The following AGBL4 variants were observed in gnomAD, a reference collection of about 807,000 sequenced individuals.
AGBL4 encodes the protein cytosolic carboxypeptidase 6.
Under a neutral mutation model 66.4 loss-of-function variants are expected in AGBL4, and 58 were observed. The ratio of observed to expected loss-of-function variants is 0.87; its 90% CI spans 0.71 to 1.09. The LOEUF (loss-of-function observed/expected upper bound fraction) is 1.09. Among genes scored for constraint, AGBL4 ranks in the 50% least tolerant of loss-of-function variants. The pLI is 0.00. For synonymous variants in AGBL4, 234 were observed against 222.9 expected, an observed-to-expected ratio of 1.05 and a Z score of -0.44; for missense variants, 579 against 631.0, an observed-to-expected ratio of 0.92 and a Z score of 0.88.
rs143216273 is a variant in AGBL4 at position 48,560,974 on chromosome 1, C to T, written c.1268-21236G>A. ...GACATCAAGCTTCTTGTGATTTGCC[C>T]CTGTCTAGTTTCTCCTCCATAGTGA... On this transcript the variant is annotated intron_variant, in intron 11 of 13. Transcript: ENST00000371839. Among the ~76,000 whole-genome samples the T allele has an allele frequency of 1.3e-4, 20 of 152,302 alleles. No homozygotes were observed. The East Asian group carries it at 3.5e-3, about 27-fold the overall frequency.
Position 48,736,780 on chromosome 1 carries a change from G to T in AGBL4, c.635-73539C>A, listed in dbSNP as rs1649123890. On this transcript the variant is annotated intron_variant, in intron 6 of 13. Transcript: ENST00000371839. The surrounding 1 kb of genome is among the most constrained non-coding windows in gnomAD (Gnocchi z 4.0). The stretch of plus-strand genomic sequence containing the variant: ...CTGAACATCATTCAACTAGTAAGTG[G>T]CAGAGTTGATATTCTACACTATACT... Among the ~76,000 whole-genome samples the T allele has an allele frequency of 6.6e-6, 1 of 152,152 alleles. No homozygotes were observed.
At chr1:48,697,564 A>AT (rs1646731683) in intron 6 of AGBL4, among the ~76,000 whole-genome samples, 1 of 152,198 alleles carries the variant, frequency 6.6e-6, no homozygotes, top group African/African-American at 2.4e-5. Flanking sequence ...TGGTCCAGTG[A>AT]TTTTTCCAGT....
At chr1:48,934,355 C>CTTGT (rs1655280645) in intron 5 of AGBL4, among the ~76,000 whole-genome samples, 1 of 152,116 alleles carries the variant, frequency 6.6e-6, no homozygotes, top group Non-Finnish European at 1.5e-5. Flanking sequence ...AGGGTGACCA[C>CTTGT]ATGTCTCAGT....
intron 1 of AGBL4, among the ~76,000 whole-genome samples, chr1:49,985,990 T>C (rs951639556): frequency 6.6e-6 from 1 of 152,152 alleles, no homozygotes; most frequent in Non-Finnish European, 1.5e-5. Context: ...AATTATATCC[T>C]ACTACTCTTC....
chr1:49,885,667 G>A (rs540462995), intron 1 of AGBL4, among the ~76,000 whole-genome samples: 68 of 151,958 alleles, frequency 4.5e-4, no homozygotes, highest in Non-Finnish European at 9.0e-4. Context: ...CCTGTCTTGT[G>A]CCCAGAACTA....
intron 3 of AGBL4, among the ~76,000 whole-genome samples, chr1:49,455,795 C>T (rs1184475147): frequency 6.6e-6 from 1 of 151,722 alleles, no homozygotes; most frequent in Non-Finnish European, 1.5e-5. Context: ...CTTCCCTTTG[C>T]TCATTGTGTT....
rs544518016 is a variant in AGBL4, at chr1:49,915,181, T to C, written c.35-63663A>G. 6.6e-5 allele frequency among the ~76,000 whole-genome samples: 10 copies of C among 152,262 alleles called. No individual in the cohort carries two copies. The East Asian group carries it at 1.9e-3, about 29-fold the overall frequency. On this transcript the variant is annotated intron_variant, in intron 1 of 13. Transcript: ENST00000371839. Reference sequence around the variant, plus strand: ...AGCAACGCAGAAGACAGGTGATTTCTGCATTTCCAACGGAGGTACTGGGTT... The same window carrying C: ...AGCAACGCAGAAGACAGGTGATTTCCGCATTTCCAACGGAGGTACTGGGTT...
intron 6 of AGBL4, among the ~76,000 whole-genome samples, chr1:48,778,726 A>C (rs925263120): frequency 6.6e-6 from 1 of 152,212 alleles, no homozygotes; most frequent in Non-Finnish European, 1.5e-5. Flanking sequence ...AACATCAAAC[A>C]TTATAAAATC....
chr1:49,467,388 G>C (rs1646653152), intron 3 of AGBL4, among the ~76,000 whole-genome samples: 2 of 151,840 alleles, frequency 1.3e-5, no homozygotes, highest in Non-Finnish European at 2.9e-5. Context: ...AGATAGAAGA[G>C]GTTCAATATT....
At chr1:49,596,241 C>T (rs947372925) in intron 3 of AGBL4, among the ~76,000 whole-genome samples, 1 of 152,188 alleles carries the variant, frequency 6.6e-6, no homozygotes, top group Non-Finnish European at 1.5e-5. Flanking sequence ...AATCTCGGCT[C>T]ACTGCAACCT....
At chr1:49,448,301 C>T (rs146608339) in intron 3 of AGBL4, among the ~76,000 whole-genome samples, 2 of 152,274 alleles carry the variant, frequency 1.3e-5, no homozygotes, top group African/African-American at 2.4e-5. Context: ...AACTCTCTCT[C>T]TCCCCACTTG....
At chr1:49,995,372 C>A (rs76105790) in intron 1 of AGBL4, 5,319 of 436,914 alleles carry the variant, frequency 0.012, 211 homozygotes, top group African/African-American at 0.099. Flanking sequence ...CCTGTCACTG[C>A]GGCCTTTCCC....
At chr1:48,970,106 C>T (rs1170895424) in intron 5 of AGBL4, among the ~76,000 whole-genome samples, 2 of 152,132 alleles carry the variant, frequency 1.3e-5, no homozygotes, top group Non-Finnish European at 2.9e-5. Context: ...GACTCCATAT[C>T]CTGTTCACTT....
At chr1:49,875,660 G>C (rs1435960125) in intron 1 of AGBL4, among the ~76,000 whole-genome samples, 1 of 147,280 alleles carries the variant, frequency 6.8e-6, no homozygotes, top group Non-Finnish European at 1.5e-5. Context: ...ATAGTCATTT[G>C]GGTATATACC....
At chr1:48,947,458 G>A (rs1656611846) in intron 5 of AGBL4, among the ~76,000 whole-genome samples, 1 of 152,062 alleles carries the variant, frequency 6.6e-6, no homozygotes, top group African/African-American at 2.4e-5. Context: ...CTTTCTCTTT[G>A]GTTACACTTT....
chr1:49,081,268 T>G (rs1347481664), intron 4 of AGBL4, among the ~76,000 whole-genome samples: 1 of 152,122 alleles, frequency 6.6e-6, no homozygotes, highest in Non-Finnish European at 1.5e-5. Context: ...AGAAAGAGCA[T>G]CCCATATAAA....
At chr1:49,122,355 A>AT (rs918055686) in intron 4 of AGBL4, among the ~76,000 whole-genome samples, 13 of 151,372 alleles carry the variant, frequency 8.6e-5, no homozygotes, top group African/African-American at 2.7e-4. Context: ...CAGACCCCAC[A>AT]TTTTTTTTTC....
chr1:48,911,126 A>G (rs1453821010), intron 5 of AGBL4, among the ~76,000 whole-genome samples: 1 of 152,214 alleles, frequency 6.6e-6, no homozygotes, highest in African/African-American at 2.4e-5. Context: ...TACTTCTGAA[A>G]ATTCTATTCT....
chr1:49,715,652 T>TA (rs2124672651), intron 2 of AGBL4, among the ~76,000 whole-genome samples: 1 of 152,324 alleles, frequency 6.6e-6, no homozygotes, highest in East Asian at 1.9e-4. Flanking sequence ...ATCACCATTC[T>TA]AACTGGCATG....
Sources: gnomAD v4.1 joint callset for allele counts (sites outside exome capture counted in the v4.1 genomes callset) on GRCh38, gnomAD v4.1.1 for gene constraint, Gnocchi (gnomAD v3.1) non-coding constraint, MANE v1.5 for transcripts, NCBI Gene and HGNC (gene_info 2026-07-23, HGNC 2026-07-21) for gene names.